SGMS1: variants seen among roughly 807,000 people sequenced by gnomAD.
SGMS1 encodes phosphatidylcholine:ceramide cholinephosphotransferase 1.
A neutral mutation model predicts 46.2 loss-of-function variants in SGMS1; 13 were observed. That is an observed-to-expected ratio of 0.28 (90% CI 0.18 to 0.45). SGMS1 has a LOEUF of 0.45. Ranked by LOEUF, SGMS1 falls within the 20% of genes least tolerant of loss-of-function variation. The probability of loss-of-function intolerance (pLI) is 1.00; values close to 1 mark genes in which losing one functional copy is unlikely to be tolerated. For synonymous variants in SGMS1, 203 were observed against 187.8 expected (o/e 1.08, Z -0.66); for missense variants, 324 against 519.9 (o/e 0.62, Z 3.66).
rs183534246 is a variant in SGMS1, at chr10:50,338,928, G to A, written c.623+4564C>T. 5.2e-3 allele frequency among the ~76,000 whole-genome samples: 796 copies of A among 152,096 alleles called. 13 individuals are homozygous for A. The highest frequency in any genetic ancestry group is 0.018 in the African/African-American group (755 of 41,474). Reference sequence around the variant, plus strand: ...CTAATTTTGTATTTCTAGTAGAGATGGGGTTTCTCCAAGTTGTGAGGCTGG... The same window carrying A: ...CTAATTTTGTATTTCTAGTAGAGATAGGGTTTCTCCAAGTTGTGAGGCTGG... On this transcript the variant is annotated intron_variant, in intron 7 of 10. Transcript: ENST00000361781.
chr10:50,355,349 C>T (rs1016012970), intron 6 of SGMS1, among the ~76,000 whole-genome samples: 2 of 152,240 alleles, frequency 1.3e-5, no homozygotes, highest in African/African-American at 4.8e-5. Flanking sequence ...GTACTGCCGC[C>T]ATCTCGGCTC....
chr10:50,457,225 A>T (rs1184970731), intron 5 of SGMS1, among the ~76,000 whole-genome samples: 1 of 152,226 alleles, frequency 6.6e-6, no homozygotes, highest in Non-Finnish European at 1.5e-5. Flanking sequence ...ATAAAACACT[A>T]AGATTTTAAG....
At chr10:50,531,433 A>G (rs1160762336) in intron 2 of SGMS1, among the ~76,000 whole-genome samples, 1 of 152,118 alleles carries the variant, frequency 6.6e-6, no homozygotes, top group African/African-American at 2.4e-5. Flanking sequence ...AAAGTGACTT[A>G]GAGCATACTG....
intron 6 of SGMS1, among the ~76,000 whole-genome samples, chr10:50,382,669 A>T (rs1848624463): frequency 6.6e-6 from 1 of 151,908 alleles, no homozygotes; most frequent in Non-Finnish European, 1.5e-5. Context: ...ACAGCAATGG[A>T]GAGGAGGGAC....
chr10:50,413,155 A>C (rs1243102592), intron 6 of SGMS1, among the ~76,000 whole-genome samples: 2 of 152,196 alleles, frequency 1.3e-5, no homozygotes, highest in Non-Finnish European at 2.9e-5. Context: ...TACATAATTT[A>C]CATGTATATC....
At chr10:50,349,615 G>A (rs10825780) in intron 6 of SGMS1, among the ~76,000 whole-genome samples, 40,610 of 152,102 alleles carry the variant, frequency 0.27, 6,229 homozygotes, top group African/African-American at 0.42. Flanking sequence ...TGTTGTGGGA[G>A]AGACCCAATA....
At chr10:50,459,426 G>A (rs751643347) in intron 5 of SGMS1, among the ~76,000 whole-genome samples, 4 of 151,866 alleles carry the variant, frequency 2.6e-5, no homozygotes, top group African/African-American at 7.3e-5. Context: ...TTTTTTAGAC[G>A]GAGTTTCACT....
At chr10:50,474,321 T>C (rs1007281723) in intron 3 of SGMS1, 2 of 152,202 alleles carry the variant, frequency 1.3e-5, no homozygotes, top group African/African-American at 4.8e-5. Flanking sequence ...TTTTTGTTTG[T>C]TTTGTTTTTA....
chr10:50,544,628 T>G (rs950313346), intron 2 of SGMS1, among the ~76,000 whole-genome samples: 6 of 152,228 alleles, frequency 3.9e-5, no homozygotes, highest in Non-Finnish European at 7.3e-5. Flanking sequence ...GAAGTAAAAC[T>G]GAAGTAGGTT....
intron 1 of SGMS1, among the ~76,000 whole-genome samples, chr10:50,598,680 C>CCT (rs1200659008): frequency 6.6e-6 from 1 of 152,060 alleles, no homozygotes; most frequent in East Asian, 1.9e-4. Context: ...CTAAGAAGTA[C>CCT]TGAGGGTCAA....
rs1229366764 is a variant in SGMS1 at position 50,587,631 on chromosome 10, ATATG to A, written c.-589+2518_-589+2521del. Among the ~76,000 whole-genome samples the A allele has an allele frequency of 1.8e-3, 208 of 118,722 alleles. 1 individual carries two copies. Among genetic ancestry groups the A allele is most frequent in the Middle Eastern group, 4.1e-3 (1 of 242 alleles). 77.9% of individuals were successfully genotyped at this position (118,722 alleles called of 152,430 possible). On this transcript the variant is annotated intron_variant, in intron 2 of 10. Coordinates refer to ENST00000361781, the MANE Select transcript of SGMS1 (RefSeq NM_147156.4). The stretch of plus-strand genomic sequence containing the variant: ...AGAGCAAGACTGCATCTCAAAATAT[ATATG>A]TGTGTGTGTGTGTGTGTGTGTGTGT...
intron 6 of SGMS1, among the ~76,000 whole-genome samples, chr10:50,419,809 T>G (rs1040521152): frequency 5.3e-5 from 8 of 152,204 alleles, no homozygotes; most frequent in African/African-American, 1.7e-4. Flanking sequence ...CAAAGATCTC[T>G]TTGGAGATCT....
chr10:50,623,504 C>T (rs1838877320), intron 1 of SGMS1: 10 of 905,224 alleles, frequency 1.1e-5, no homozygotes, highest in Non-Finnish European at 1.3e-5. Context: ...CGGACCTCCC[C>T]GCTGTGACCA....
chr10:50,387,128 G>C (rs893177290), intron 6 of SGMS1, among the ~76,000 whole-genome samples: 1 of 152,140 alleles, frequency 6.6e-6, no homozygotes, highest in East Asian at 1.9e-4. Context: ...GGATACCATC[G>C]ATGATGCTGA....
chr10:50,578,963 T>C (rs1299513375), intron 2 of SGMS1, among the ~76,000 whole-genome samples: 1 of 152,020 alleles, frequency 6.6e-6, no homozygotes, highest in Non-Finnish European at 1.5e-5. Context: ...TGAATGGACA[T>C]TCAAAGATCA....
chr10:50,552,810 C>T (rs1362925680), intron 2 of SGMS1, among the ~76,000 whole-genome samples: 1 of 152,078 alleles, frequency 6.6e-6, no homozygotes, highest in African/African-American at 2.4e-5. Context: ...CTGGTGGGCT[C>T]TAAATGCAAT....
chr10:50,537,634 C>T (rs963203604), intron 2 of SGMS1, among the ~76,000 whole-genome samples: 2 of 121,422 alleles, frequency 1.6e-5, no homozygotes, highest in Admixed American at 2.0e-4. Flanking sequence ...CATTCCACAA[C>T]AGGCCCCGGT....
intron 6 of SGMS1, among the ~76,000 whole-genome samples, chr10:50,391,119 T>C (rs1297649539): frequency 1.3e-5 from 2 of 152,092 alleles, no homozygotes; most frequent in African/African-American, 4.8e-5. Flanking sequence ...AGACAAAACT[T>C]TGAAGAAACA....
intron 6 of SGMS1, among the ~76,000 whole-genome samples, chr10:50,358,582 A>C (rs1848194194): frequency 6.6e-6 from 1 of 152,172 alleles, no homozygotes; most frequent in Non-Finnish European, 1.5e-5. Flanking sequence ...CCAGATACTC[A>C]GGAAGCTGAG....
Sources: allele counts gnomAD v4.1 joint callset (sites outside exome capture counted in the v4.1 genomes callset), GRCh38; gene constraint gnomAD v4.1.1; transcripts MANE v1.5; gene names NCBI Gene and HGNC (gene_info 2026-07-23, HGNC 2026-07-21).